Variants in SLC39A13 observed in about 807,000 individuals in gnomAD.
SLC39A13 encodes the protein solute carrier family 39 member 13.
In SLC39A13, 18 loss-of-function variants were observed where a neutral mutation model predicts 38.7. That is an observed-to-expected ratio of 0.47 (90% confidence interval 0.32 to 0.69). SLC39A13 has a LOEUF of 0.69. SLC39A13 is among the 30% of genes least tolerant of loss of function. The pLI is 0.03. For synonymous variants in SLC39A13, 212 were observed against 219.1 expected (o/e 0.97, Z 0.29); for missense variants, 395 against 490.7 (o/e 0.80, Z 1.84).
Position 47,413,873 on chromosome 11 carries a change from C to A in SLC39A13, c.735+187C>A, listed in dbSNP as rs1441822674. On this transcript the variant is annotated intron_variant, in intron 6 of 9. Coordinates refer to ENST00000362021, the MANE Select transcript of SLC39A13 (RefSeq NM_001128225.3). ...TCTGATCCTGAGCCCCTGGTCTGTT[C>A]CTGTTCCCAGTACTCCTTGTTGGGT... 4 of 756,114 alleles carry A rather than the reference C, an allele frequency of 5.3e-6. No individual in the cohort carries two copies. The African/African-American group carries it at 6.9e-5, about 13-fold the overall frequency. The allele number at this position is 756,114 out of a possible 1,614,324, so 46.8% of individuals were successfully genotyped here.
intron 4 of SLC39A13, 25 bp from the exon 5 acceptor site, chr11:47,413,375 C>G: frequency 1.2e-6 from 2 of 1,610,222 alleles, no homozygotes; most frequent in East Asian, 4.5e-5. Flanking sequence ...CTAATGTCAC[C>G]TCTCCCTCCT....
intron 6 of SLC39A13, chr11:47,413,919 C>T (rs1380116927): frequency 2.8e-6 from 2 of 708,622 alleles, no homozygotes; most frequent in East Asian, 2.7e-5. Context: ...AGCTGCTAGG[C>T]GTGGCCCCTG....
In SLC39A13 at chr11:47,414,802, G is replaced by A. The variant is rs376883075; in HGVS notation, c.812G>A (p.Arg271Gln). The A allele has an allele frequency of 1.2e-5, 19 of 1,610,712 alleles. No homozygotes were observed. Among genetic ancestry groups the A allele is most frequent in the South Asian group, 2.2e-5 (2 of 91,038 alleles). ...HEVGDFAILLRAGFDRWSAAK... is the reference protein window; with the variant it reads ...HEVGDFAILLQAGFDRWSAAK... ...GTGGGCGACTTTGCCATCCTGCTCCGGGCCGGCTTTGACCGATGGAGCGCA... is the reference window on the plus strand; with the variant it reads ...GTGGGCGACTTTGCCATCCTGCTCCAGGCCGGCTTTGACCGATGGAGCGCA... The change falls in exon 8 of 10, where the codon CGG (arginine) becomes CAG (glutamine). Residue 271 changes from arginine to glutamine, a missense_variant. By Grantham distance (43) the Arg-to-Gln change is conservative (BLOSUM62 1). Transcript: ENST00000362021.
In SLC39A13 at chr11:47,416,483, A is replaced by ATAT. The variant is rs915036768; in HGVS notation, c.*1124_*1126dup. On this transcript the variant is annotated 3_prime_UTR_variant, in exon 10 of 10. Coordinates refer to ENST00000362021, the MANE Select transcript of SLC39A13 (RefSeq NM_001128225.3). ...TGTTCTATAGATAAGATACAAATAA[A>ATAT]TATTATCCACATACTGGCTGCCTTG... 13 of 152,204 alleles carry ATAT rather than the reference A, an allele frequency of 8.5e-5. No homozygotes were observed. Among genetic ancestry groups the ATAT allele is most frequent in the African/African-American group, 3.1e-4 (13 of 41,448 alleles). The allele number at this position is 152,204 out of a possible 1,614,324, so 9.4% of individuals were successfully genotyped here. A position where few individuals can be genotyped will look rare whatever the true frequency, so the allele number is the denominator to read the frequency against.
At chr11:47,409,824 AG>A in intron 1 of SLC39A13, 1 of 432,818 alleles carries the variant, frequency 2.3e-6, no homozygotes, top group Admixed American at 3.9e-5. Flanking sequence ...CCCTGTCATT[AG>A]GGAAAGTTTA....
chr11:47,410,535 G>A, intron 2 of SLC39A13, 140 bp downstream of exon 2: 1 of 1,195,652 alleles, frequency 8.4e-7, no homozygotes, highest in Non-Finnish European at 1.2e-6. Context: ...GGTCCTGTAG[G>A]AGCTATCTAG....
rs777719231 is a variant in SLC39A13 at position 47,413,606 on chromosome 11, T to C, written c.655T>C (p.Tyr219His). 20 of 1,614,240 alleles carry C rather than the reference T, an allele frequency of 1.2e-5. No homozygotes were observed. The highest frequency in any genetic ancestry group is 1.7e-5 in the Non-Finnish European group (20 of 1,180,036). Residue 219 changes from tyrosine (Y) to histidine (H), a missense_variant, in exon 6 of 10, where the codon TAC becomes CAC. Coordinates refer to ENST00000362021, the MANE Select transcript of SLC39A13 (RefSeq NM_001128225.3). ...CTTCCCTCCTTCCCAGGTCAGCGGC[T>C]ACCTCAACCTGCTGGCCAACACCAT... ...AVVRSIKVSG[Y>H]LNLLANTIDN...
rs149634596 is a variant in SLC39A13, at chr11:47,412,422, G to C, written c.492G>C (p.Ala164=). The C allele has an allele frequency of 6.2e-7, 1 of 1,614,246 alleles. No individual in the cohort carries two copies. Among genetic ancestry groups the C allele is most frequent in the African/African-American group, 1.3e-5 (1 of 75,066 alleles). ...WVIAGILTFL[A]LEKMFLDSKE... ...TTGCTGGCATCCTGACCTTCCTGGC[G>C]TTGGAGAAGATGTTCCTGGACAGCA... is the stretch of plus-strand genomic sequence containing the variant. The change falls in exon 4 of 10, where the codon GCG becomes GCC. Residue 164 remains alanine, a synonymous_variant. Transcript: ENST00000362021.
In SLC39A13 at chr11:47,413,384, C is replaced by T; in HGVS notation, c.538-16C>T. On this transcript the variant is annotated splice_polypyrimidine_tract_variant and intron_variant, in intron 4 of 9. Coordinates refer to ENST00000362021, the MANE Select transcript of SLC39A13 (RefSeq NM_001128225.3). Reference sequence around the variant, plus strand: ...GGGCATCTAATGTCACCTCTCCCTCCTTCTCCTGGCCCTAGGCCCCCAACA... The same window carrying T: ...GGGCATCTAATGTCACCTCTCCCTCTTTCTCCTGGCCCTAGGCCCCCAACA... 6.2e-7 allele frequency: 1 copy of T among 1,613,462 alleles called. No individual in the cohort carries two copies. The highest frequency in any genetic ancestry group is 1.3e-5 in the African/African-American group (1 of 75,050).
At chr11:47,408,365 C>T (rs1199933089), upstream of SLC39A13, among the ~76,000 whole-genome samples, 1 of 152,112 alleles carries the variant, frequency 6.6e-6, no homozygotes, top group Admixed American at 6.5e-5. Context: ...GTGGCTCTCT[C>T]ACTTCCGACC....
intron 1 of SLC39A13, 161 bp from the exon 2 acceptor site, chr11:47,409,926 C>A: frequency 1.3e-6 from 1 of 757,232 alleles, no homozygotes; most frequent in East Asian, 2.5e-5. Flanking sequence ...CACAGGGCCC[C>A]ATTGCTGTGC....
rs1276151593 is a variant in SLC39A13 at position 47,414,415 on chromosome 11, C to T, written c.736-10C>T. On this transcript the variant is annotated splice_polypyrimidine_tract_variant and intron_variant, in intron 6 of 9. Coordinates refer to ENST00000362021, the MANE Select transcript of SLC39A13 (RefSeq NM_001128225.3). ...CACAGACCCCGCAGCCACGGCTCCC[C>T]TCCCTGCAGATCGGGCTCCTGACAA... The T allele has an allele frequency of 2.5e-6, 4 of 1,607,772 alleles. No homozygotes were observed. The highest frequency in any genetic ancestry group is 3.4e-5 in the Admixed American group (2 of 59,194).
At position 47,413,477 on chromosome 11, in the gene SLC39A13, C is replaced by G. The variant is rs147495812; in HGVS notation, c.615C>G (p.Pro205=). ...GHCLAQPAAE[P]GLGAVVRSIK... is the part of the protein sequence containing the mutation. ...GTCTGGCCCAGCCGGCTGCAGAGCC[C>G]GGCCTCGGTGCCGTGGTCCGGAGCA... is the stretch of plus-strand genomic sequence containing the variant. Residue 205 remains proline (P), a synonymous_variant, in exon 5 of 10, where the codon CCC becomes CCG. Transcript: ENST00000362021. The G allele has an allele frequency of 3.1e-6, 5 of 1,614,028 alleles. No individual in the cohort carries two copies. Among genetic ancestry groups the G allele is most frequent in the East Asian group, 2.2e-5 (1 of 44,874 alleles).
At position 47,415,392 on chromosome 11, in the gene SLC39A13, CT is replaced by C; in HGVS notation, c.*30del. 1.2e-6 allele frequency: 2 copies of C among 1,611,812 alleles called. No individual in the cohort carries two copies. Among genetic ancestry groups the C allele is most frequent in the South Asian group, 2.2e-5 (2 of 91,048 alleles). ...TCCCTGATGCCGACGCCCCTGCCCCCTGCAGCAATAAGATGCTCGGATTCAC... is the reference window on the plus strand; with the variant it reads ...TCCCTGATGCCGACGCCCCTGCCCCCGCAGCAATAAGATGCTCGGATTCAC... On this transcript the variant is annotated 3_prime_UTR_variant, in exon 10 of 10. Coordinates refer to ENST00000362021, the MANE Select transcript of SLC39A13 (RefSeq NM_001128225.3).
At position 47,415,424 on chromosome 11, in the gene SLC39A13, G is replaced by T; in HGVS notation, c.*61G>T. ...AATAAGATGCTCGGATTCACTCTGT[G>T]ACCGCATATGTGAGAGGCAGAGAGG... On this transcript the variant is annotated 3_prime_UTR_variant, in exon 10 of 10. Coordinates refer to ENST00000362021, the MANE Select transcript of SLC39A13 (RefSeq NM_001128225.3). The T allele has an allele frequency of 6.3e-7, 1 of 1,581,570 alleles. No homozygotes were observed.
rs767677018 is a variant in SLC39A13 at position 47,413,432 on chromosome 11, C to T, written c.570C>T (p.Ala190=). ...APNKDPTAAA[A]ALNGGHCLAQ... ...ACAAAGACCCCACTGCTGCTGCCGC[C>T]GCGCTCAATGGAGGCCACTGTCTGG... is the stretch of plus-strand genomic sequence containing the variant. Residue 190 remains alanine (A), a synonymous_variant, in exon 5 of 10, where the codon GCC becomes GCT. Coordinates refer to ENST00000362021, the MANE Select transcript of SLC39A13 (RefSeq NM_001128225.3). The T allele has an allele frequency of 1.7e-5, 27 of 1,614,002 alleles. No individual in the cohort carries two copies. The highest frequency in any genetic ancestry group is 1.6e-4 in the Middle Eastern group (1 of 6,082).
rs2096025047 is a variant in SLC39A13, at chr11:47,415,812, A to C, written c.*449A>C. The C allele has an allele frequency of 3.8e-6, 1 of 265,034 alleles. No individual in the cohort carries two copies. Among genetic ancestry groups the C allele is most frequent in the Non-Finnish European group, 7.4e-6 (1 of 134,644 alleles). The allele number at this position is 265,034 out of a possible 1,614,324, so 16.4% of individuals were successfully genotyped here. A position where few individuals can be genotyped will look rare whatever the true frequency, so the allele number is the denominator to read the frequency against. On this transcript the variant is annotated 3_prime_UTR_variant, in exon 10 of 10. Coordinates refer to ENST00000362021, the MANE Select transcript of SLC39A13 (RefSeq NM_001128225.3). ...CACACACACAGTCCCCAGGCGGCCTAGGGGCCAAGGCTGGGGCGGCTTTGG... is the reference window on the plus strand; with the variant it reads ...CACACACACAGTCCCCAGGCGGCCTCGGGGCCAAGGCTGGGGCGGCTTTGG...
intron 1 of SLC39A13, chr11:47,409,259 GC>G (rs1475775004): frequency 6.6e-6 from 1 of 152,376 alleles, no homozygotes; most frequent in Non-Finnish European, 1.5e-5. Flanking sequence ...CCTGTGATCG[GC>G]CGGCTGGGCA....
chr11:47,410,018 C>T lies in SLC39A13; in HGVS notation c.-8-69C>T, dbSNP rs1446545166. 2.1e-5 allele frequency: 33 copies of T among 1,583,042 alleles called. 1 individual carries two copies. The highest frequency in any genetic ancestry group is 1.3e-4 in the East Asian group (6 of 44,772). On this transcript the variant is annotated intron_variant, in intron 1 of 9. Coordinates refer to ENST00000362021, the MANE Select transcript of SLC39A13 (RefSeq NM_001128225.3). ...GGGTCCCTTGCGGGGAGGAGGGAGG[C>T]GCCACGTTTCCTAAGCAGGTGTGCG...
Sources: gnomAD v4.1 joint callset for allele counts (sites outside exome capture counted in the v4.1 genomes callset) on GRCh38, gnomAD v4.1.1 for gene constraint, MANE v1.5 for transcripts, NCBI Gene and HGNC (gene_info 2026-07-23, HGNC 2026-07-21) for gene names.